The following FEZ1 variants were observed in gnomAD, a reference collection of about 807,000 sequenced individuals.
The protein encoded by FEZ1 is fasciculation and elongation protein zeta 1.
In FEZ1, 20 loss-of-function variants were observed where a neutral mutation model predicts 49.3. The observed-to-expected ratio is 0.41, with a 90% CI of 0.29 to 0.59. The LOEUF is 0.59. Among genes scored for constraint, FEZ1 ranks in the 20% least tolerant of loss-of-function variants. The pLI is 0.36. For synonymous variants in FEZ1, 170 were observed against 180.9 expected, an observed-to-expected ratio of 0.94 and a Z score of 0.48; for missense variants, 413 against 476.0, an observed-to-expected ratio of 0.87 and a Z score of 1.23.
chr11:125,474,282 C>A (rs1276650600), intron 3 of FEZ1, among the ~76,000 whole-genome samples: 1 of 150,938 alleles, frequency 6.6e-6, no homozygotes, highest in African/African-American at 2.4e-5. Flanking sequence ...TCGTGATCCA[C>A]CCACCTTGGC....
chr11:125,462,692 T>A (rs1287782654), intron 4 of FEZ1, among the ~76,000 whole-genome samples: 1 of 152,072 alleles, frequency 6.6e-6, no homozygotes, highest in Non-Finnish European at 1.5e-5. Flanking sequence ...AGAGATGAAA[T>A]CCCTTATCAA....
chr11:125,495,129 C>G lies in FEZ1; in HGVS notation c.-46+992G>C, dbSNP rs767440012. ...TTCGCGGTTCTGCTTGCTCCCCTCC[C>G]CCTCCTCCCGCTGCTCCATTCACCT... On this transcript the variant is annotated intron_variant, in intron 1 of 9. Coordinates refer to ENST00000278919, the MANE Select transcript of FEZ1 (RefSeq NM_005103.5). The surrounding 1 kb of genome is among the most constrained non-coding windows in gnomAD (Gnocchi z 4.2). The G allele has an allele frequency of 8.0e-5, 28 of 348,488 alleles. No homozygotes were observed. The highest frequency in any genetic ancestry group is 1.3e-4 in the African/African-American group (6 of 46,302). The allele number at this position is 348,488 out of a possible 1,614,324, so 21.6% of individuals were successfully genotyped here.
At position 125,457,459 on chromosome 11, in the gene FEZ1, T is replaced by C. The variant is rs556987115; in HGVS notation, c.668-1353A>G. 2.1e-3 allele frequency among the ~76,000 whole-genome samples: 159 copies of C among 77,094 alleles called. 1 individual carries two copies. The highest frequency in any genetic ancestry group is 3.3e-3 in the Non-Finnish European group (127 of 38,390). 50.6% of individuals were successfully genotyped at this position (77,094 alleles called of 152,430 possible). On this transcript the variant is annotated intron_variant, in intron 5 of 9. Transcript: ENST00000278919. ...ATATATATATATATATATGTATATATACACATATATATGTATATATACACA... is the reference window on the plus strand; with the variant it reads ...ATATATATATATATATATGTATATACACACATATATATGTATATATACACA...
At chr11:125,478,563 G>A (rs1957253163) in intron 3 of FEZ1, among the ~76,000 whole-genome samples, 1 of 152,252 alleles carries the variant, frequency 6.6e-6, no homozygotes, top group Admixed American at 6.5e-5. Flanking sequence ...ATGTTTTACA[G>A]AAGGAATACA....
rs576286458 is a variant in FEZ1 at position 125,478,728 on chromosome 11, A to C, written c.411+2806T>G. 3.9e-5 allele frequency among the ~76,000 whole-genome samples: 6 copies of C among 152,348 alleles called. No individual in the cohort carries two copies. In the South Asian group the frequency reaches 1.2e-3, roughly 32 times the overall value. ...TTTTCCCATGGGTTAGATAGAAGAA[A>C]TACTACAAGGAACAGAGCTCAAGAT... On this transcript the variant is annotated intron_variant, in intron 3 of 9. Coordinates refer to ENST00000278919, the MANE Select transcript of FEZ1 (RefSeq NM_005103.5).
intron 3 of FEZ1, 137 bp downstream of exon 3, chr11:125,481,397 C>A: frequency 1.4e-6 from 1 of 731,600 alleles, no homozygotes; most frequent in South Asian, 1.5e-5. Flanking sequence ...CAATCACCCA[C>A]CTCGGTCTCC....
chr11:125,460,817 A>T (rs1957067765), intron 4 of FEZ1, 151 bp from the exon 5 acceptor site: 1 of 611,702 alleles, frequency 1.6e-6, no homozygotes, highest in Non-Finnish European at 2.7e-6. Flanking sequence ...TAATAAAAAT[A>T]GTTCCAACCA....
At chr11:125,448,946 A>G (rs1270629726) in intron 8 of FEZ1, among the ~76,000 whole-genome samples, 1 of 152,070 alleles carries the variant, frequency 6.6e-6, no homozygotes, top group Non-Finnish European at 1.5e-5. Context: ...GCATCACGCA[A>G]TATGCCCCCG....
chr11:125,455,928 C>T lies in FEZ1; in HGVS notation c.846G>A (p.Lys282=). ...TVLIEVQNKQ[K]EQRELMKKRR... is the part of the protein sequence containing the mutation. The stretch of plus-strand genomic sequence containing the variant: ...TCTTTTTCATCAGTTCTCGCTGCTC[C>T]TTCTGCTTGTTCTGAACCTCAATAA... Residue 282 remains lysine, a synonymous_variant, in exon 6 of 10, where the codon AAG becomes AAA. Transcript: ENST00000278919. 1 of 1,613,558 alleles carries T rather than the reference C, an allele frequency of 6.2e-7. No homozygotes were observed. Among genetic ancestry groups the T allele is most frequent in the Middle Eastern group, 1.6e-4 (1 of 6,062 alleles).
At chr11:125,469,317 G>T (rs1010192816) in intron 3 of FEZ1, among the ~76,000 whole-genome samples, 2 of 152,186 alleles carry the variant, frequency 1.3e-5, no homozygotes, top group African/African-American at 4.8e-5. Flanking sequence ...GAAGGGGAGT[G>T]GCTTGATCTC....
At position 125,481,583 on chromosome 11, in the gene FEZ1, C is replaced by T; in HGVS notation, c.362G>A (p.Trp121Ter). 1 of 1,613,678 alleles carries T rather than the reference C, an allele frequency of 6.2e-7. No individual in the cohort carries two copies. The highest frequency in any genetic ancestry group is 8.5e-7 in the Non-Finnish European group (1 of 1,179,732). ...DNYIPSLSEDWRDPNIEALNG... is the reference protein window; with the variant it reads ...DNYIPSLSED ...CAGAGCCTCGATGTTTGGATCCCTC[C>T]AGTCTTCTGAGAGTGAAGGGATGTA... Residue 121 changes from tryptophan to a stop codon, truncating the protein, a stop_gained, in exon 3 of 10, where the codon TGG becomes TAG. Transcript: ENST00000278919. LOFTEE classifies it high-confidence loss of function.
chr11:125,491,629 C>G (rs934677126), intron 1 of FEZ1, among the ~76,000 whole-genome samples: 4 of 152,154 alleles, frequency 2.6e-5, no homozygotes, highest in Non-Finnish European at 4.4e-5. Context: ...GGGAACCAGA[C>G]AGCAAAATTC....
intron 3 of FEZ1, among the ~76,000 whole-genome samples, chr11:125,474,882 C>T (rs745524487): frequency 2.6e-5 from 4 of 151,326 alleles, no homozygotes; most frequent in Non-Finnish European, 5.9e-5. Flanking sequence ...AGCAAGACTC[C>T]AACTCAAAGA....
At chr11:125,482,268 G>T (rs1001148341) in intron 2 of FEZ1, among the ~76,000 whole-genome samples, 12 of 152,154 alleles carry the variant, frequency 7.9e-5, no homozygotes, top group African/African-American at 2.9e-4. Context: ...GAACCCACGG[G>T]TTGCAAGATC....
rs1345578507 is a variant in FEZ1, at chr11:125,443,930, C to A, written c.*2165G>T. Among the ~76,000 whole-genome samples the A allele has an allele frequency of 6.6e-6, 1 of 152,178 alleles. No individual in the cohort carries two copies. Among genetic ancestry groups the A allele is most frequent in the Non-Finnish European group, 1.5e-5 (1 of 68,040 alleles). ...TAAATTGGGGGAAAGGAGTGGCTGA[C>A]CCAGATCTGACAAATCCAAGGCAGG... On this transcript the variant is annotated 3_prime_UTR_variant, in exon 10 of 10. Coordinates refer to ENST00000278919, the MANE Select transcript of FEZ1 (RefSeq NM_005103.5).
intron 1 of FEZ1, among the ~76,000 whole-genome samples, chr11:125,493,812 G>A (rs1226721621): frequency 6.6e-6 from 1 of 152,232 alleles, no homozygotes; most frequent in East Asian, 1.9e-4. Flanking sequence ...CTCTGGGAAT[G>A]ACAGGGGAGA....
chr11:125,484,813 A>G (rs941759396), intron 2 of FEZ1, among the ~76,000 whole-genome samples: 2 of 149,508 alleles, frequency 1.3e-5, no homozygotes, highest in African/African-American at 2.5e-5. Context: ...GCCACTTTCT[A>G]TGTAGATCTC....
rs528107669 is a variant in FEZ1, at chr11:125,483,536, T to G, written c.312-1903A>C. The stretch of plus-strand genomic sequence containing the variant: ...AATCCAGGCTAATTCTAAATCCAAG[T>G]GCCATTAGCATTCTAGAGCCAAGAA... On this transcript the variant is annotated intron_variant, in intron 2 of 9. Coordinates refer to ENST00000278919, the MANE Select transcript of FEZ1 (RefSeq NM_005103.5). Among the ~76,000 whole-genome samples the G allele has an allele frequency of 2.0e-4, 31 of 152,340 alleles. 1 individual carries two copies. The South Asian group carries it at 6.2e-3, about 31-fold the overall frequency.
chr11:125,490,614 T>C (rs192493845), intron 1 of FEZ1, among the ~76,000 whole-genome samples: 61 of 152,160 alleles, frequency 4.0e-4, no homozygotes, highest in Middle Eastern at 3.4e-3. Flanking sequence ...TCCCAGCACT[T>C]TGGGAGGTTG....
Sources: gnomAD v4.1 joint callset for allele counts (sites outside exome capture counted in the v4.1 genomes callset) on GRCh38, gnomAD v4.1.1 for gene constraint, Gnocchi (gnomAD v3.1) non-coding constraint, MANE v1.5 for transcripts, NCBI Gene and HGNC (gene_info 2026-07-23, HGNC 2026-07-21) for gene names.